The following SMG9 variants were observed in gnomAD, a reference collection of about 807,000 sequenced individuals.
SMG9 encodes nonsense-mediated mRNA decay factor SMG9.
SMG9 carries 55 observed loss-of-function variants against 64.0 expected under a neutral mutation model. The ratio of observed to expected loss-of-function variants is 0.86; its 90% CI spans 0.69 to 1.08. The LOEUF (loss-of-function observed/expected upper bound fraction) is 1.08. SMG9 is among the 50% of genes least tolerant of loss of function. SMG9 has a pLI of 0.00. For missense variants in SMG9, 554 were observed against 681.3 expected (o/e 0.81, Z 2.08); for synonymous variants, 244 against 254.8 (o/e 0.96, Z 0.41).
Position 43,733,740 on chromosome 19 carries a change from G to A in SMG9, c.1103-7C>T. On this transcript the variant is annotated splice_region_variant and splice_polypyrimidine_tract_variant and intron_variant, in intron 10 of 13. Coordinates refer to ENST00000270066, the MANE Select transcript of SMG9 (RefSeq NM_019108.4). ...GCTTTGTTCTGCAAGAAGACTGAGG[G>A]TGGGAAGAGACGGGCCCTGTCAGGC... The A allele has an allele frequency of 3.1e-6, 5 of 1,612,680 alleles. No individual in the cohort carries two copies. The highest frequency in any genetic ancestry group is 4.2e-6 in the Non-Finnish European group (5 of 1,178,794).
chr19:43,738,065 GGAGGAT>G, intron 8 of SMG9, 51 bp downstream of exon 8: 2 of 1,520,506 alleles, frequency 1.3e-6, no homozygotes, highest in Non-Finnish European at 1.8e-6. Context: ...CCAGATCTTG[GGAGGAT>G]GGGGGTGGGG....
rs765565761 is a variant in SMG9 at position 43,744,812 on chromosome 19, T to C, written c.661A>G (p.Met221Val). The C allele has an allele frequency of 6.2e-7, 1 of 1,613,922 alleles. No individual in the cohort carries two copies. Among genetic ancestry groups the C allele is most frequent in the South Asian group, 1.1e-5 (1 of 91,068 alleles). The change falls in exon 6 of 14, where the codon ATG becomes GTG. Residue 221 changes from methionine to valine, a missense_variant. Met to Val is a conservative substitution (Grantham distance 21). Transcript: ENST00000270066. ...GGAGTGTTGGCTGACAACAATGACA[T>C]GACCATGGACTTGCCTGTCCCCTGG... is the stretch of plus-strand genomic sequence containing the variant. ...GLQGTGKSMV[M>V]SLLSANTPEE...
intron 9 of SMG9, among the ~76,000 whole-genome samples, chr19:43,735,365 C>T (rs1031576402): frequency 7.2e-5 from 11 of 152,130 alleles, no homozygotes; most frequent in Non-Finnish European, 5.9e-5. Context: ...CGCCTGTAAT[C>T]TCAGCACTTT....
chr19:43,733,286 G>C (rs1377685663), intron 12 of SMG9, 38 bp downstream of exon 12: 2 of 1,610,196 alleles, frequency 1.2e-6, no homozygotes, highest in Admixed American at 3.4e-5. Flanking sequence ...ATCAGGATAG[G>C]ACTTGTCTCT....
In SMG9 at chr19:43,734,432, G is replaced by A; in HGVS notation, c.1059C>T (p.Ser353=). 6.4e-7 allele frequency: 1 copy of A among 1,562,946 alleles called. No homozygotes were observed. The highest frequency in any genetic ancestry group is 8.7e-7 in the Non-Finnish European group (1 of 1,152,772). The change falls in exon 10 of 14, where the codon AGC becomes AGT. Residue 353 remains serine (S), a synonymous_variant. Coordinates refer to ENST00000270066, the MANE Select transcript of SMG9 (RefSeq NM_019108.4). ...CGGTGCCTTCATCGGAGCCCGATGAGCTGCTGGACTCGTGGCTGGGGGATG... is the reference window on the plus strand; with the variant it reads ...CGGTGCCTTCATCGGAGCCCGATGAACTGCTGGACTCGTGGCTGGGGGATG... ...STPSPSHESS[S]SSGSDEGTEY... is the part of the protein sequence containing the mutation.
chr19:43,752,905 A>AAAAAAAAAAAAAAAAAAAAAAC, intron 1 of SMG9, among the ~76,000 whole-genome samples: 1 of 150,012 alleles, frequency 6.7e-6, no homozygotes, highest in African/African-American at 2.5e-5. Flanking sequence ...CCCTGTCTAA[A>AAAAAAAAAAAAAAAAAAAAAAC]AAAAAAAAAA....
At chr19:43,736,809 G>A (rs929943760) in intron 9 of SMG9, among the ~76,000 whole-genome samples, 51 of 152,330 alleles carry the variant, frequency 3.3e-4, no homozygotes, top group African/African-American at 1.1e-3. Flanking sequence ...AAGTGAGGGA[G>A]AGTAACAGGG....
At chr19:43,732,701 G>T in intron 13 of SMG9, 157 bp downstream of exon 13, 2 of 833,164 alleles carry the variant, frequency 2.4e-6, no homozygotes, top group Non-Finnish European at 1.9e-6. Context: ...TGGGTGAGAT[G>T]CTTACAAGAC....
intron 1 of SMG9, among the ~76,000 whole-genome samples, chr19:43,753,799 G>A (rs1969267607): frequency 6.6e-6 from 1 of 151,682 alleles, no homozygotes; most frequent in Non-Finnish European, 1.5e-5. Flanking sequence ...CACAGTATCT[G>A]AATGTGGGGA....
At chr19:43,734,064 A>T in intron 10 of SMG9, 1 of 525,784 alleles carries the variant, frequency 1.9e-6, no homozygotes, top group Non-Finnish European at 3.4e-6. Flanking sequence ...GAACAGGTGG[A>T]CGGGGCCACC....
Position 43,731,385 on chromosome 19 carries a change from T to G in SMG9, c.*211A>C. 7.3e-7 allele frequency: 1 copy of G among 1,372,820 alleles called. No individual in the cohort carries two copies. The allele number at this position is 1,372,820 out of a possible 1,614,324, so 85.0% of individuals were successfully genotyped here. On this transcript the variant is annotated 3_prime_UTR_variant, in exon 14 of 14. Transcript: ENST00000270066. Reference sequence around the variant, plus strand: ...GGGCTACCCCATCTCAGGTTTGGGGTGGGATCGCTCACAGTCACCCCCGGA... The same window carrying G: ...GGGCTACCCCATCTCAGGTTTGGGGGGGGATCGCTCACAGTCACCCCCGGA...
In SMG9 at chr19:43,728,919, C is replaced by T; in HGVS notation, c.*2677G>A. The T allele has an allele frequency of 1.1e-6, 1 of 921,174 alleles. No individual in the cohort carries two copies. The highest frequency in any genetic ancestry group is 1.3e-6 in the Non-Finnish European group (1 of 771,296). The allele number at this position is 921,174 out of a possible 1,614,324, so 57.1% of individuals were successfully genotyped here. A position where few individuals can be genotyped will look rare whatever the true frequency, so the allele number is the denominator to read the frequency against. On this transcript the variant is annotated 3_prime_UTR_variant, in exon 14 of 14. Transcript: ENST00000270066. ...TGGGAATGATGAAGGGACTGGAGAG[C>T]CACAAGCAGCAGGCATTCCTGGTGG...
chr19:43,733,694 G>A lies in SMG9; in HGVS notation c.1142C>T (p.Pro381Leu), dbSNP rs751219950. 8.7e-6 allele frequency: 14 copies of A among 1,614,046 alleles called. No individual in the cohort carries two copies. The highest frequency in any genetic ancestry group is 2.2e-5 in the East Asian group (1 of 44,892). ...CAGGTGCATCTGCCGCAGCTTCCGA[G>A]GACAGAAGTCCTCTCGGCGAGCTTT... ...QNKARREDFC[P>L]RKLRQMHLMI... Residue 381 changes from proline (P) to leucine (L), a missense_variant, in exon 11 of 14, where the codon CCT becomes CTT. Pro to Leu is a moderately conservative substitution (Grantham distance 98, BLOSUM62 -3). Transcript: ENST00000270066.
At chr19:43,734,032 T>C (rs1968572138) in intron 10 of SMG9, 3 of 538,886 alleles carry the variant, frequency 5.6e-6, no homozygotes, top group Non-Finnish European at 1.0e-5. Context: ...AGGAACGGCA[T>C]GTGCAAAGGC....
intron 8 of SMG9, 46 bp downstream of exon 8, chr19:43,738,076 G>T: frequency 6.5e-7 from 1 of 1,549,328 alleles, no homozygotes; most frequent in Non-Finnish European, 8.9e-7. Context: ...GAGGATGGGG[G>T]TGGGGATGTA....
At chr19:43,732,773 G>A in intron 13 of SMG9, 85 bp downstream of exon 13, 1 of 1,535,804 alleles carries the variant, frequency 6.5e-7, no homozygotes, top group African/African-American at 1.4e-5. Context: ...GGCTTCACAA[G>A]GTCATGCCGA....
intron 9 of SMG9, among the ~76,000 whole-genome samples, chr19:43,736,985 G>A (rs1968690711): frequency 6.6e-6 from 1 of 152,204 alleles, no homozygotes; most frequent in African/African-American, 2.4e-5. Flanking sequence ...TTTAATAAAG[G>A]GAGTGAGGGC....
In SMG9 at chr19:43,737,667, C is replaced by G. The variant is rs1968715920; in HGVS notation, c.925G>C (p.Ala309Pro). The change falls in exon 9 of 14, where the codon GCC becomes CCC. Residue 309 changes from alanine to proline, a missense_variant. By Grantham distance (27) the Ala-to-Pro change is conservative (BLOSUM62 -1). Coordinates refer to ENST00000270066, the MANE Select transcript of SMG9 (RefSeq NM_019108.4). ...ACATGGCAGACCGTGAAAAGGAAGG[C>G]AGCAATCTGGAGTGACTGAGGGTGG... ...YVEMQSLQIA[A>P]FLFTVCHVVI... The G allele has an allele frequency of 6.2e-7, 1 of 1,613,764 alleles. No individual in the cohort carries two copies. The highest frequency in any genetic ancestry group is 8.5e-7 in the Non-Finnish European group (1 of 1,179,892).
chr19:43,747,843 G>C lies in SMG9; in HGVS notation c.280C>G (p.Leu94Val), dbSNP rs1259687861. The C allele has an allele frequency of 1.2e-6, 2 of 1,606,936 alleles. No individual in the cohort carries two copies. The highest frequency in any genetic ancestry group is 8.5e-7 in the Non-Finnish European group (1 of 1,176,282). The change falls in exon 4 of 14, where the codon CTG becomes GTG. Residue 94 changes from leucine (L) to valine (V), a missense_variant. Transcript: ENST00000270066. ...APAAPPAPAP[L>V]EKPIVLMKPR... ...TTCATGAGAACGATGGGCTTCTCCA[G>C]AGGGGCTGGAGCAGGCGGGGCAGCA...
Sources: gnomAD v4.1 joint callset for allele counts (sites outside exome capture counted in the v4.1 genomes callset) on GRCh38, gnomAD v4.1.1 for gene constraint, MANE v1.5 for transcripts, NCBI Gene and HGNC (gene_info 2026-07-23, HGNC 2026-07-21) for gene names.